WLS: variants seen among roughly 807,000 people sequenced by gnomAD.
WLS encodes Wnt ligand secretion mediator, also known as protein wntless homolog.
In WLS, 23 loss-of-function variants were observed where a neutral mutation model predicts 62.8. The ratio of observed to expected loss-of-function variants is 0.37; its 90% confidence interval spans 0.26 to 0.52. The LOEUF is 0.52. WLS is among the 20% of genes least tolerant of loss of function. The pLI is 0.92. For synonymous variants in WLS, 246 were observed against 244.1 expected, an observed-to-expected ratio of 1.01 and a Z score of -0.07; for missense variants, 615 against 697.3, an observed-to-expected ratio of 0.88 and a Z score of 1.33.
chr1:68,213,239 T>C (rs1649587134), intron 1 of WLS, among the ~76,000 whole-genome samples: 1 of 151,696 alleles, frequency 6.6e-6, no homozygotes, highest in Non-Finnish European at 1.5e-5. Flanking sequence ...TCACCTGAGG[T>C]CAGAAGTTCA....
At chr1:68,159,995 T>C (rs1340097027) in intron 2 of WLS, among the ~76,000 whole-genome samples, 1 of 151,450 alleles carries the variant, frequency 6.6e-6, no homozygotes, top group Non-Finnish European at 1.5e-5. Flanking sequence ...ATTAAGGAGA[T>C]GAGATTAATA....
At chr1:68,164,950 C>A (rs138712051) in intron 2 of WLS, among the ~76,000 whole-genome samples, 1 of 152,292 alleles carries the variant, frequency 6.6e-6, no homozygotes, top group Non-Finnish European at 1.5e-5. Context: ...GTTGGTATCT[C>A]CCCTTGGTCA....
Position 68,232,235 on chromosome 1 carries a change from A to G in WLS, c.65T>C (p.Leu22Pro). Residue 22 changes from leucine (L) to proline (P), a missense_variant, in exon 1 of 12, where the codon CTC becomes CCC. Leu to Pro is a moderately conservative substitution (Grantham distance 98). Coordinates refer to ENST00000262348, the MANE Select transcript of WLS (RefSeq NM_024911.7). The stretch of plus-strand genomic sequence containing the variant: ...CAGAAAGGCGATGATTTGGAACACG[A>G]GCAGAATCCCACCAACAATGCACAG... ...KKLCIVGGILLVFQIIAFLVG... is the reference protein window; with the variant it reads ...KKLCIVGGILPVFQIIAFLVG... 1.2e-6 allele frequency: 2 copies of G among 1,614,150 alleles called. No individual in the cohort carries two copies. The highest frequency in any genetic ancestry group is 8.5e-7 in the Non-Finnish European group (1 of 1,180,020).
At chr1:68,193,115 AAAAAGAAAAG>A (rs373149289) in intron 2 of WLS, among the ~76,000 whole-genome samples, 24 of 151,876 alleles carry the variant, frequency 1.6e-4, no homozygotes, top group Non-Finnish European at 2.1e-4. Context: ...GTTTCAAAAA[AAAAAGAAAAG>A]AAAAGAAAAG....
intron 2 of WLS, among the ~76,000 whole-genome samples, chr1:68,186,244 C>G (rs1401967851): frequency 6.6e-6 from 1 of 152,124 alleles, no homozygotes. Context: ...TTTGGAAACT[C>G]AAATCCTAGC....
At position 68,126,052 on chromosome 1, in the gene WLS, C is replaced by T; in HGVS notation, c.*174G>A. 9 of 1,434,154 alleles carry T rather than the reference C, an allele frequency of 6.3e-6. No individual in the cohort carries two copies. Among genetic ancestry groups the T allele is most frequent in the Middle Eastern group, 2.6e-4 (1 of 3,848 alleles). 88.8% of individuals were successfully genotyped at this position (1,434,154 alleles called of 1,614,324 possible). The stretch of plus-strand genomic sequence containing the variant: ...ATTAGTGGCTGCAGGAATCTTCCTC[C>T]AAAAGCTACCGTCAGAAGGCAAACT... On this transcript the variant is annotated 3_prime_UTR_variant, in exon 12 of 12. Transcript: ENST00000262348.
chr1:68,230,588 CGTGTGT>C (rs145944948), intron 1 of WLS, among the ~76,000 whole-genome samples: 7 of 149,048 alleles, frequency 4.7e-5, no homozygotes, highest in African/African-American at 7.4e-5. Context: ...TGTGTGCGCG[CGTGTGT>C]GTGTGTGTGT....
intron 11 of WLS, among the ~76,000 whole-genome samples, chr1:68,135,415 G>A (rs774484932): frequency 2.0e-4 from 30 of 147,112 alleles, no homozygotes; most frequent in Non-Finnish European, 3.7e-4. Flanking sequence ...CTCCCAAAGT[G>A]CTAGGACTAT....
Position 68,208,415 on chromosome 1 carries a change from C to T in WLS, c.107-14188G>A, listed in dbSNP as rs186024542. Among the ~76,000 whole-genome samples the T allele has an allele frequency of 3.3e-5, 5 of 152,184 alleles. No homozygotes were observed. In the East Asian group the frequency reaches 9.7e-4, roughly 29 times the overall value. ...TCTTTGAGTTTTCATGATGCACAAT[C>T]AAAAGACAGGGGATAGGTAGAAGAT... On this transcript the variant is annotated intron_variant, in intron 1 of 11. Coordinates refer to ENST00000262348, the MANE Select transcript of WLS (RefSeq NM_024911.7).
At chr1:68,193,397 CTAAAAAAAAAAAAAAAAAAAAAAAAAAAA>C (rs1648454657) in intron 2 of WLS, among the ~76,000 whole-genome samples, 2 of 8,060 alleles carry the variant, frequency 2.5e-4, no homozygotes, top group African/African-American at 7.5e-4. Context: ...TGCAAATAAG[CTAAAAAAAAAAAAAAAAAAAAAAAAAAAA>C]AAAAAAAAAA....
intron 1 of WLS, among the ~76,000 whole-genome samples, chr1:68,204,961 C>T (rs766630584): frequency 2.6e-5 from 4 of 152,236 alleles, no homozygotes; most frequent in Non-Finnish European, 4.4e-5. Flanking sequence ...CATGCAAGTC[C>T]TCCAGACCTG....
In WLS at chr1:68,113,182, G is replaced by T. The variant is rs531847787; in HGVS notation, c.1511-14429C>A. On this transcript the variant is annotated intron_variant, in intron 11 of 11. Coordinates refer to the WLS transcript ENST00000354777. Reference sequence around the variant, plus strand: ...CTCATATCCTGAGTCATCCAACCTCGCATGTCCGTAAAAATATCCGTATCC... The same window carrying T: ...CTCATATCCTGAGTCATCCAACCTCTCATGTCCGTAAAAATATCCGTATCC... Among the ~76,000 whole-genome samples, 4 of 152,266 alleles carry T rather than the reference G, an allele frequency of 2.6e-5. No homozygotes were observed. The East Asian group carries it at 7.7e-4, about 29-fold the overall frequency.
chr1:68,110,007 T>TAAAAAAAAAAAAAAAAAAAAAAAAAAAAA (rs11290966), intron 11 of WLS, among the ~76,000 whole-genome samples: 3 of 28,434 alleles, frequency 1.1e-4, no homozygotes, highest in African/African-American at 3.2e-4. Flanking sequence ...ACACAAAAAG[T>TAAAAAAAAAAAAAAAAAAAAAAAAAAAAA]AAAAAAAAAA....
At chr1:68,170,562 C>T (rs1009352372) in intron 2 of WLS, among the ~76,000 whole-genome samples, 3 of 152,120 alleles carry the variant, frequency 2.0e-5, no homozygotes, top group African/African-American at 7.2e-5. Context: ...AGAGATGCCT[C>T]CTTTGAGAGG....
chr1:68,159,774 C>T (rs549953852), intron 2 of WLS, among the ~76,000 whole-genome samples: 78 of 152,266 alleles, frequency 5.1e-4, no homozygotes, highest in African/African-American at 1.7e-3. Context: ...AACTTATTCC[C>T]GAAAGTTCTC....
intron 2 of WLS, among the ~76,000 whole-genome samples, chr1:68,168,662 T>G (rs1017995474): frequency 6.6e-6 from 1 of 152,156 alleles, no homozygotes; most frequent in African/African-American, 2.4e-5. Flanking sequence ...GGGAAAAAAA[T>G]TAAAGAGGTT....
At chr1:68,125,100 C>T (rs1646410039), downstream of WLS, among the ~76,000 whole-genome samples, 1 of 152,170 alleles carries the variant, frequency 6.6e-6, no homozygotes, top group Non-Finnish European at 1.5e-5. Context: ...TGGGGAAAGT[C>T]TGAATAGGGC....
At chr1:68,222,614 C>T (rs184266450) in intron 1 of WLS, among the ~76,000 whole-genome samples, 17 of 152,218 alleles carry the variant, frequency 1.1e-4, no homozygotes, top group African/African-American at 3.4e-4. Flanking sequence ...TTAGAAACTG[C>T]GTCCAAGCCA....
chr1:68,186,433 G>A (rs1447542110), intron 2 of WLS: 2 of 359,486 alleles, frequency 5.6e-6, no homozygotes, highest in Non-Finnish European at 1.1e-5. Flanking sequence ...TAATTTCAGA[G>A]CCCAAACATG....
Sources: allele counts gnomAD v4.1 joint callset (sites outside exome capture counted in the v4.1 genomes callset), GRCh38; gene constraint gnomAD v4.1.1; transcripts MANE v1.5; gene names NCBI Gene and HGNC (gene_info 2026-07-23, HGNC 2026-07-21).